The following FADS2 variants were observed in gnomAD, a reference collection of about 807,000 sequenced individuals.
The protein encoded by FADS2 is acyl-CoA 6-desaturase.
A neutral mutation model predicts 61.2 loss-of-function variants in FADS2; 18 were observed. That is an observed-to-expected ratio of 0.29 (90% CI 0.20 to 0.44). The LOEUF is 0.44. Ranked by LOEUF, FADS2 falls within the 20% of genes least tolerant of loss-of-function variation. The pLI is 1.00. For missense variants in FADS2, 322 were observed against 572.7 expected, an observed-to-expected ratio of 0.56 and a Z score of 4.47; for synonymous variants, 203 against 223.9, an observed-to-expected ratio of 0.91 and a Z score of 0.83.
chr11:61,851,551 G>A (rs2067307313), intron 5 of FADS2, among the ~76,000 whole-genome samples: 1 of 152,258 alleles, frequency 6.6e-6, no homozygotes, highest in South Asian at 2.1e-4. Context: ...GGCTCTCGCA[G>A]GACCCGGCCG....
At chr11:61,848,411 G>T in intron 5 of FADS2, 127 bp downstream of exon 5, 1 of 1,491,956 alleles carries the variant, frequency 6.7e-7, no homozygotes, top group Non-Finnish European at 9.2e-7. Flanking sequence ...GGCAGCCATC[G>T]AGGTACGACT....
In FADS2 at chr11:61,828,780, G is replaced by C; in HGVS notation, c.207+183G>C. The C allele has an allele frequency of 1.7e-6, 1 of 592,192 alleles. No individual in the cohort carries two copies. The highest frequency in any genetic ancestry group is 2.9e-6 in the Non-Finnish European group (1 of 340,036). 36.7% of individuals were successfully genotyped at this position (592,192 alleles called of 1,614,324 possible). On this transcript the variant is annotated intron_variant, in intron 1 of 11. Transcript: ENST00000278840. This position sits in a 1 kb window ranked among gnomAD's most constrained non-coding sequence, Gnocchi z 6.4. ...ATCCTCCTCCTCCTCTGGGCCGACT[G>C]GGGTGGAGACCGGATCTGGGACCCG...
At chr11:61,832,015 A>G (rs2067135274) in intron 1 of FADS2, among the ~76,000 whole-genome samples, 1 of 152,218 alleles carries the variant, frequency 6.6e-6, no homozygotes, top group Admixed American at 6.5e-5. Flanking sequence ...GGGCCCAGAC[A>G]CAGAGATGAA....
chr11:61,846,136 T>C (rs575867240), intron 4 of FADS2, among the ~76,000 whole-genome samples: 33 of 150,336 alleles, frequency 2.2e-4, no homozygotes, highest in African/African-American at 3.9e-4. Context: ...CTTTTCTTTT[T>C]TTTTTTTTTT....
chr11:61,835,654 C>T (rs1332840699), intron 1 of FADS2, among the ~76,000 whole-genome samples: 1 of 151,966 alleles, frequency 6.6e-6, no homozygotes, highest in East Asian at 1.9e-4. Context: ...AATCCGCCGC[C>T]TCGGCCTCCC....
chr11:61,820,830 G>A (rs1428737040), intron 1 of FADS2, among the ~76,000 whole-genome samples: 2 of 152,236 alleles, frequency 1.3e-5, no homozygotes, highest in South Asian at 2.1e-4. Context: ...AACCCAGGAG[G>A]CAAAGGTTGC....
rs768341464 is a variant in FADS2 at position 61,836,423 on chromosome 11, A to G, written c.208-1355A>G. On this transcript the variant is annotated intron_variant, in intron 1 of 11. Coordinates refer to ENST00000278840, the MANE Select transcript of FADS2 (RefSeq NM_004265.4). ...TGTTTGTTTTTTGAGACAGGGTCTC[A>G]CTCTCTTGCCCAGGCTGGAGTGCAG... Among the ~76,000 whole-genome samples, 122 of 145,744 alleles carry G rather than the reference A, an allele frequency of 8.4e-4. 1 individual carries two copies. The highest frequency in any genetic ancestry group is 1.6e-3 in the Non-Finnish European group (108 of 66,968).
intron 1 of FADS2, among the ~76,000 whole-genome samples, chr11:61,834,452 G>T (rs1482265654): frequency 6.6e-6 from 1 of 152,154 alleles, no homozygotes; most frequent in Non-Finnish European, 1.5e-5. Flanking sequence ...AACACTCCTG[G>T]CTCCCTGCCT....
intron 7 of FADS2, among the ~76,000 whole-genome samples, chr11:61,859,375 C>T (rs1428514012): frequency 6.6e-6 from 1 of 152,132 alleles, no homozygotes. Context: ...ACTGTTTTAT[C>T]GCTTGCTAAC....
chr11:61,820,899 C>T (rs1486362745), intron 1 of FADS2, among the ~76,000 whole-genome samples: 1 of 151,850 alleles, frequency 6.6e-6, no homozygotes, highest in Non-Finnish European at 1.5e-5. Flanking sequence ...GACTCTGTCT[C>T]TAAATAAATA....
chr11:61,851,269 A>G (rs1375781538), intron 5 of FADS2, among the ~76,000 whole-genome samples: 2 of 152,174 alleles, frequency 1.3e-5, no homozygotes, highest in African/African-American at 2.4e-5. Flanking sequence ...GTCTAGTCCC[A>G]CCAGCTGCAC....
upstream of FADS2, among the ~76,000 whole-genome samples, chr11:61,824,809 G>C (rs983727882): frequency 6.6e-6 from 1 of 152,148 alleles, no homozygotes; most frequent in East Asian, 1.9e-4. Context: ...TGGGAGCAGG[G>C]AATGGGGGAG....
intron 1 of FADS2, among the ~76,000 whole-genome samples, chr11:61,818,959 C>T (rs1000190245): frequency 3.3e-5 from 5 of 152,026 alleles, no homozygotes; most frequent in Non-Finnish European, 7.4e-5. Flanking sequence ...CAAGCTCCAC[C>T]TCCCAGGTTC....
At chr11:61,818,304 C>CT (rs1274364234) in intron 1 of FADS2, among the ~76,000 whole-genome samples, 1 of 152,174 alleles carries the variant, frequency 6.6e-6, no homozygotes, top group Admixed American at 6.5e-5. Context: ...GATGTCCTGA[C>CT]TTCCAGGTAA....
At chr11:61,829,953 C>A (rs1435982307) in intron 1 of FADS2, among the ~76,000 whole-genome samples, 2 of 152,192 alleles carry the variant, frequency 1.3e-5, no homozygotes, top group Non-Finnish European at 2.9e-5. Context: ...TTGGGAAGGT[C>A]AGCGATACTG....
intron 1 of FADS2, among the ~76,000 whole-genome samples, chr11:61,817,572 C>T (rs1339372994): frequency 6.6e-6 from 1 of 152,066 alleles, no homozygotes; most frequent in African/African-American, 2.4e-5. Context: ...TCACTGGGAT[C>T]CTTGAGTGAT....
intron 1 of FADS2, chr11:61,817,181 GC>G: frequency 3.0e-6 from 1 of 336,888 alleles, no homozygotes; most frequent in Non-Finnish European, 5.3e-6. Flanking sequence ...GGCCAGGGCT[GC>G]GGGGTGGCCG....
upstream of FADS2, among the ~76,000 whole-genome samples, chr11:61,825,477 G>T (rs1358341940): frequency 3.9e-5 from 6 of 152,054 alleles, no homozygotes; most frequent in African/African-American, 1.4e-4. Context: ...AATTAGCCGG[G>T]CATGGTGGCG....
chr11:61,849,639 T>A (rs2067289104), intron 5 of FADS2: 1 of 152,108 alleles, frequency 6.6e-6, no homozygotes, highest in Non-Finnish European at 1.5e-5. Context: ...GCCCCAAATT[T>A]TATGCCCTTG....
Sources: allele counts gnomAD v4.1 joint callset (sites outside exome capture counted in the v4.1 genomes callset), GRCh38; gene constraint gnomAD v4.1.1; non-coding constraint Gnocchi (gnomAD v3.1); transcripts MANE v1.5; gene names NCBI Gene and HGNC (gene_info 2026-07-23, HGNC 2026-07-21).